Variants in FBXL19 observed in about 807,000 individuals in gnomAD.
The protein encoded by FBXL19 is F-box and leucine rich repeat protein 19, also known as F-box/LRR-repeat protein 19.
Under a neutral mutation model 71.2 loss-of-function variants are expected in FBXL19, and 16 were observed. That is an observed-to-expected ratio of 0.22 (90% CI 0.15 to 0.34). FBXL19 has a LOEUF of 0.34. Among genes scored for constraint, FBXL19 ranks in the 10% least tolerant of loss-of-function variants. The pLI is 1.00. For synonymous variants in FBXL19, 447 were observed against 409.4 expected (o/e 1.09, Z -1.11); for missense variants, 658 against 968.2 (o/e 0.68, Z 4.25).
chr16:30,938,752 T>G (rs1363661161), intron 7 of FBXL19, among the ~76,000 whole-genome samples: 1 of 152,036 alleles, frequency 6.6e-6, no homozygotes, highest in African/African-American at 2.4e-5. Flanking sequence ...TTCTCCTGCC[T>G]CAGCCTCCTG....
At position 30,925,512 on chromosome 16, in the gene FBXL19, G is replaced by C. The variant is rs1472344790; in HGVS notation, c.-24-219G>C. 2.2e-6 allele frequency: 1 copy of C among 452,250 alleles called. No individual in the cohort carries two copies. The highest frequency in any genetic ancestry group is 4.8e-5 in the South Asian group (1 of 20,956). 28.0% of individuals were successfully genotyped at this position (452,250 alleles called of 1,614,324 possible). A position where few individuals can be genotyped will look rare whatever the true frequency, so the allele number is the denominator to read the frequency against. On this transcript the variant is annotated intron_variant, in intron 1 of 10. Transcript: ENST00000338343. The surrounding 1 kb of genome is among the most constrained non-coding windows in gnomAD (Gnocchi z 5.0). ...GGGACCCTGAGGAGGCGGTAGAGGA[G>C]CGAGGCCAGGAAGCAGTTCTTGGGC...
At chr16:30,943,690 A>G (rs1388070646) in intron 9 of FBXL19, among the ~76,000 whole-genome samples, 1 of 151,868 alleles carries the variant, frequency 6.6e-6, no homozygotes, top group East Asian at 1.9e-4. Context: ...TCTTATAGAA[A>G]CAGGGTTTCA....
intron 7 of FBXL19, among the ~76,000 whole-genome samples, chr16:30,938,981 G>A (rs2055768620): frequency 3.3e-5 from 5 of 151,964 alleles, no homozygotes. Flanking sequence ...TTATCTCCCT[G>A]TTTAACAAAA....
In FBXL19 at chr16:30,947,022, C is replaced by T. The variant is rs774699583; in HGVS notation, c.1847-30C>T. Reference sequence around the variant, plus strand: ...CAGTGCCAACCCCTTGCTCACCTGCCTGGTCTCAGCTCCACTGCCCCATCC... The same window carrying T: ...CAGTGCCAACCCCTTGCTCACCTGCTTGGTCTCAGCTCCACTGCCCCATCC... On this transcript the variant is annotated intron_variant, in intron 10 of 10. Transcript: ENST00000338343. 20 of 1,579,216 alleles carry T rather than the reference C, an allele frequency of 1.3e-5. No individual in the cohort carries two copies. The Admixed American group carries it at 2.5e-4, about 20-fold the overall frequency.
intron 7 of FBXL19, among the ~76,000 whole-genome samples, chr16:30,941,708 T>G (rs1043315358): frequency 6.6e-6 from 1 of 152,180 alleles, no homozygotes; most frequent in Non-Finnish European, 1.5e-5. Flanking sequence ...TGGAGACGAC[T>G]GGATAACACC....
At chr16:30,927,178 C>A in intron 2 of FBXL19, 130 bp from the exon 3 acceptor site, 1 of 938,216 alleles carries the variant, frequency 1.1e-6, no homozygotes, top group Non-Finnish European at 1.6e-6. Context: ...AAGGAGCAAA[C>A]TCAGGATCAG....
chr16:30,928,910 G>A (rs1451450987), intron 6 of FBXL19, among the ~76,000 whole-genome samples: 1 of 152,124 alleles, frequency 6.6e-6, no homozygotes, highest in Non-Finnish European at 1.5e-5. Flanking sequence ...CTGTCCGACC[G>A]TTTACTCTTT....
rs1043130382 is a variant in FBXL19, at chr16:30,948,763, ACT to A, written c.*1535_*1536del. 6.6e-6 allele frequency: 1 copy of A among 152,020 alleles called. No individual in the cohort carries two copies. The highest frequency in any genetic ancestry group is 1.5e-5 in the Non-Finnish European group (1 of 68,084). 9.4% of individuals were successfully genotyped at this position (152,020 alleles called of 1,614,324 possible). On this transcript the variant is annotated 3_prime_UTR_variant, in exon 11 of 11. Transcript: ENST00000338343. Reference sequence around the variant, plus strand: ...TCTGTACAATACGGTTTGCTATAAAACTCAAAATCTTCCAGCCGGGGCTGCGG... The same window carrying A: ...TCTGTACAATACGGTTTGCTATAAAACAAAATCTTCCAGCCGGGGCTGCGG...
chr16:30,932,564 G>A (rs2055687024), intron 7 of FBXL19, among the ~76,000 whole-genome samples: 2 of 152,212 alleles, frequency 1.3e-5, no homozygotes, highest in African/African-American at 2.4e-5. Flanking sequence ...GTGGCCATGT[G>A]TGGAGAGCGA....
chr16:30,927,962 A>G lies in FBXL19; in HGVS notation c.626A>G (p.Lys209Arg), dbSNP rs774683996. Reference protein sequence around the residue: ...AGNEPPTPRKKVKGGRERHLK... With the variant: ...AGNEPPTPRKRVKGGRERHLK... ...AATGAGCCTCCCACCCCAAGGAAAA[A>G]GGTGAGCCACGGAGCACGCTCACTA... is the stretch of plus-strand genomic sequence containing the variant. Residue 209 changes from lysine to arginine, a missense_variant and splice_region_variant, in exon 5 of 11, where the codon AAG (lysine) becomes AGG (arginine). Physicochemically the swap from Lys to Arg is conservative, Grantham distance 26. Coordinates refer to ENST00000338343, the MANE Select transcript of FBXL19 (RefSeq NM_001382779.1). 14 of 1,513,108 alleles carry G rather than the reference A, an allele frequency of 9.3e-6. No individual in the cohort carries two copies. Among genetic ancestry groups the G allele is most frequent in the Non-Finnish European group, 1.2e-5 (14 of 1,138,412 alleles). The allele number at this position is 1,513,108 out of a possible 1,614,324, so 93.7% of individuals were successfully genotyped here.
At chr16:30,926,026 CTGTT>C in intron 2 of FBXL19, 95 bp downstream of exon 2, 2 of 1,348,412 alleles carry the variant, frequency 1.5e-6, no homozygotes, top group Non-Finnish European at 1.9e-6. Flanking sequence ...TGTGGAGTGG[CTGTT>C]TGTTCACTCG....
In FBXL19 at chr16:30,936,842, A is replaced by C. The variant is rs536931127; in HGVS notation, c.1302-5274A>C. 3.3e-5 allele frequency among the ~76,000 whole-genome samples: 5 copies of C among 150,158 alleles called. No homozygotes were observed. The South Asian group carries it at 8.4e-4, about 25-fold the overall frequency. On this transcript the variant is annotated intron_variant, in intron 7 of 10. Transcript: ENST00000338343. ...ACTGCAACCTCTGCCTCCTGGGTTCAAGTGATTCTCCTGCCTCAGCCTCCT... is the reference window on the plus strand; with the variant it reads ...ACTGCAACCTCTGCCTCCTGGGTTCCAGTGATTCTCCTGCCTCAGCCTCCT...
intron 5 of FBXL19, 48 bp downstream of exon 5, chr16:30,928,011 A>G: frequency 7.8e-7 from 1 of 1,289,496 alleles, no homozygotes; most frequent in South Asian, 1.6e-5. Context: ...GAATTCTGGG[A>G]GCTGTAGTCC....
At chr16:30,928,395 C>T (rs983981380) in intron 5 of FBXL19, 72 bp from the exon 6 acceptor site, 2 of 1,417,222 alleles carry the variant, frequency 1.4e-6, no homozygotes, top group African/African-American at 3.0e-5. Flanking sequence ...AGGGCATGGA[C>T]CTTAGATTTC....
chr16:30,923,849 A>T lies in FBXL19; in HGVS notation c.-635A>T, dbSNP rs1310681223. 6.7e-6 allele frequency among the ~76,000 whole-genome samples: 1 copy of T among 150,076 alleles called. No individual in the cohort carries two copies. Among genetic ancestry groups the T allele is most frequent in the Non-Finnish European group, 1.5e-5 (1 of 67,330 alleles). ...GGGCTGGGGGGGGCGGGGCCGGAGCAGCTTCCTTCACCTCCCCCTCCGCTC... is the reference window on the plus strand; with the variant it reads ...GGGCTGGGGGGGGCGGGGCCGGAGCTGCTTCCTTCACCTCCCCCTCCGCTC... On this transcript the variant is annotated 5_prime_UTR_variant, in exon 1 of 11. Transcript: ENST00000338343.
At chr16:30,944,297 T>C (rs557973313) in intron 9 of FBXL19, among the ~76,000 whole-genome samples, 3 of 151,780 alleles carry the variant, frequency 2.0e-5, no homozygotes, top group African/African-American at 7.3e-5. Flanking sequence ...ACCGATTATT[T>C]CATCACCCAG....
At chr16:30,944,099 G>A (rs1347443143) in intron 9 of FBXL19, among the ~76,000 whole-genome samples, 2 of 151,168 alleles carry the variant, frequency 1.3e-5, no homozygotes, top group Non-Finnish European at 2.9e-5. Flanking sequence ...AGAAAGTGCT[G>A]GCTGGTCCAT....
In FBXL19 at chr16:30,927,349, G is replaced by T; in HGVS notation, c.219G>T (p.Glu73Asp). Residue 73 changes from glutamate (E) to aspartate (D), a missense_variant, in exon 3 of 11, where the codon GAG (glutamate) becomes GAT (aspartate). Around this residue, in one of 8 missense-constraint regions of FBXL19, gnomAD observed 447 missense variants for 515.4 expected, o/e 0.87. Transcript: ENST00000338343. The stretch of plus-strand genomic sequence containing the variant: ...CAGCTGTGTGCCTCTTGTGTGGGGA[G>T]GCTGGGAAGGAGGACACGGTGGAGG... Reference protein sequence around the residue: ...PHTAVCLLCGEAGKEDTVEGE... With the variant: ...PHTAVCLLCGDAGKEDTVEGE... 6.3e-7 allele frequency: 1 copy of T among 1,585,236 alleles called. No individual in the cohort carries two copies. Among genetic ancestry groups the T allele is most frequent in the Non-Finnish European group, 8.6e-7 (1 of 1,165,410 alleles).
In FBXL19 at chr16:30,942,412, C is replaced by T. The variant is rs1017383476; in HGVS notation, c.1503C>T (p.Leu501=). The change falls in exon 9 of 11, where the codon CTC becomes CTT. Residue 501 remains leucine, a synonymous_variant. Transcript: ENST00000338343. This position sits in a 1 kb window ranked among gnomAD's most constrained non-coding sequence, Gnocchi z 5.7. ...QELVLSGCSW[L]SVSALGSAPL... ...TGGTGCTCTCTGGCTGCTCCTGGCT[C>T]TCTGTCTCTGCCCTGGGCTCAGCCC... is the stretch of plus-strand genomic sequence containing the variant. The T allele has an allele frequency of 1.9e-6, 3 of 1,609,518 alleles. No individual in the cohort carries two copies.
Sources: allele counts gnomAD v4.1 joint callset (sites outside exome capture counted in the v4.1 genomes callset), GRCh38; gene constraint gnomAD v4.1.1; regional missense constraint gnomAD v4.1.1; non-coding constraint Gnocchi (gnomAD v3.1); transcripts MANE v1.5; gene names NCBI Gene and HGNC (gene_info 2026-07-23, HGNC 2026-07-21).